TRAF3IP2: variants seen among roughly 807,000 people sequenced by gnomAD.
The protein encoded by TRAF3IP2 is E3 ubiquitin ligase TRAF3IP2.
Under a neutral mutation model 57.9 loss-of-function variants are expected in TRAF3IP2, and 35 were observed. That is an observed-to-expected ratio of 0.60 (90% CI 0.46 to 0.80). TRAF3IP2 has a LOEUF of 0.80. Ranked by LOEUF, TRAF3IP2 falls within the 30% of genes least tolerant of loss-of-function variation. The pLI is 0.00. For missense variants in TRAF3IP2, 556 were observed against 706.4 expected (o/e 0.79, Z 2.41); for synonymous variants, 251 against 268.9 (o/e 0.93, Z 0.65).
chr6:111,597,741 T>C, intron 1 of TRAF3IP2: 1 of 431,624 alleles, frequency 2.3e-6, no homozygotes, highest in African/African-American at 2.0e-5. Flanking sequence ...AGGTGAGTCC[T>C]GGGGACATAT....
chr6:111,564,161 T>TACGC lies in TRAF3IP2; in HGVS notation c.1477-1126_1477-1123dup, dbSNP rs1554262645. On this transcript the variant is annotated intron_variant, in intron 7 of 8. Transcript: ENST00000368761. Reference sequence around the variant, plus strand: ...AAACACACACTCTCACATAGTTGCATACGCACACACACACACACACGATCA... The same window carrying TACGC: ...AAACACACACTCTCACATAGTTGCATACGCACGCACACACACACACACACGATCA... Among the ~76,000 whole-genome samples, 3 of 149,328 alleles carry TACGC rather than the reference T, an allele frequency of 2.0e-5. No individual in the cohort carries two copies. The East Asian group carries it at 5.8e-4, about 29-fold the overall frequency.
chr6:111,598,350 A>G (rs1796761339), intron 1 of TRAF3IP2: 2 of 163,972 alleles, frequency 1.2e-5, no homozygotes, highest in South Asian at 3.1e-4. Flanking sequence ...CCCTGCAGAG[A>G]TATGTATATC....
chr6:111,591,400 T>C lies in TRAF3IP2; in HGVS notation c.687A>G (p.Arg229=). ...GAGGGAACTCCCTGGACCTGAGAGG[T>C]CTGGGGAGGTCCTGGGGGTAACACA... ...TSVCYPQDLP[R]PLRSREFPQF... Residue 229 remains arginine (R), a synonymous_variant, in exon 2 of 9, where the codon AGA becomes AGG. Coordinates refer to ENST00000368761, the MANE Select transcript of TRAF3IP2 (RefSeq NM_147686.4). The surrounding 1 kb of genome is among the most constrained non-coding windows in gnomAD (Gnocchi z 4.9). 6.4e-7 allele frequency: 1 copy of C among 1,555,954 alleles called. No homozygotes were observed. The highest frequency in any genetic ancestry group is 8.7e-7 in the Non-Finnish European group (1 of 1,152,774).
In TRAF3IP2 at chr6:111,595,679, T is replaced by C. The variant is rs552773522; in HGVS notation, c.-8-3585A>G. 1.9e-4 allele frequency among the ~76,000 whole-genome samples: 29 copies of C among 151,998 alleles called. No homozygotes were observed. The East Asian group carries it at 3.9e-3, about 20-fold the overall frequency. ...CCCGCCTCTACTAAAAATACAAAAA[T>C]TAGCCGGGCATGATGGCAGGCACCT... is the stretch of plus-strand genomic sequence containing the variant. On this transcript the variant is annotated intron_variant, in intron 1 of 8. Transcript: ENST00000368761.
intron 1 of TRAF3IP2, among the ~76,000 whole-genome samples, chr6:111,593,278 A>G (rs1471868709): frequency 1.3e-5 from 2 of 152,234 alleles, no homozygotes; most frequent in Non-Finnish European, 2.9e-5. Context: ...CTGGATTTAA[A>G]AATTCCTACT....
chr6:111,572,322 C>A (rs1795856294), intron 5 of TRAF3IP2, among the ~76,000 whole-genome samples: 2 of 152,184 alleles, frequency 1.3e-5, no homozygotes. Flanking sequence ...TGAGGTCAGC[C>A]TCCCCTGGAA....
chr6:111,567,675 A>G lies in TRAF3IP2; in HGVS notation c.1308T>C (p.Asp436=), dbSNP rs773421131. 1.1e-5 allele frequency: 18 copies of G among 1,607,136 alleles called. No individual in the cohort carries two copies. The South Asian group carries it at 1.8e-4, about 16-fold the overall frequency. ...TAATGATATCAATGCCTCGGATTCT[A>G]TCCTCAAATATGTCAATCTGCAAAA... ...GFQTAIDIFE[D]RIRGIDIIKW... is the part of the protein sequence containing the mutation. The change falls in exon 6 of 9, where the codon GAT becomes GAC. Residue 436 remains aspartate (D), a synonymous_variant. Coordinates refer to ENST00000368761, the MANE Select transcript of TRAF3IP2 (RefSeq NM_147686.4).
intron 5 of TRAF3IP2, among the ~76,000 whole-genome samples, chr6:111,571,739 AC>A (rs1407780464): frequency 6.6e-6 from 1 of 152,074 alleles, no homozygotes; most frequent in African/African-American, 2.4e-5. Context: ...AGCCTGGCCA[AC>A]ATAGTGAAAC....
intron 6 of TRAF3IP2, chr6:111,567,320 G>T: frequency 9.0e-7 from 1 of 1,108,552 alleles, no homozygotes; most frequent in Admixed American, 5.1e-5. Context: ...GAATTCTGCT[G>T]CTCTCTCCCC....
At chr6:111,586,793 C>A (rs1796350497) in intron 2 of TRAF3IP2, among the ~76,000 whole-genome samples, 1 of 152,146 alleles carries the variant, frequency 6.6e-6, no homozygotes, top group Non-Finnish European at 1.5e-5. Flanking sequence ...TGAAACTAAG[C>A]ATTTGTACAC....
At position 111,578,440 on chromosome 6, in the gene TRAF3IP2, A is replaced by C. The variant is rs530376180; in HGVS notation, c.1022+1757T>G. Among the ~76,000 whole-genome samples, 415 of 152,298 alleles carry C rather than the reference A, an allele frequency of 2.7e-3. 1 individual carries two copies. The highest frequency in any genetic ancestry group is 5.0e-3 in the Non-Finnish European group (343 of 68,034). On this transcript the variant is annotated intron_variant, in intron 3 of 8. Coordinates refer to ENST00000368761, the MANE Select transcript of TRAF3IP2 (RefSeq NM_147686.4). ...TGGATCACTTGAGGCCAGGAGTTTG[A>C]AACCAGCCTGGGCAACAAAGTGAGA...
rs1299218710 is a variant in TRAF3IP2 at position 111,575,794 on chromosome 6, A to G, written c.1050T>C (p.Asn350=). Residue 350 remains asparagine (N), a synonymous_variant, in exon 4 of 9, where the codon AAT becomes AAC. Transcript: ENST00000368761. ...HQDQPHHQPP[N]RAGAPGESLE... is the part of the protein sequence containing the mutation. ...AGGACTCCCCAGGAGCACCAGCTCTATTAGGTGGCTGGTGATGTGGCTGGT... is the reference window on the plus strand; with the variant it reads ...AGGACTCCCCAGGAGCACCAGCTCTGTTAGGTGGCTGGTGATGTGGCTGGT... 6.2e-7 allele frequency: 1 copy of G among 1,609,940 alleles called. No homozygotes were observed. The highest frequency in any genetic ancestry group is 1.1e-5 in the South Asian group (1 of 90,478).
intron 1 of TRAF3IP2, among the ~76,000 whole-genome samples, chr6:111,594,132 CAA>C (rs36108891): frequency 1.6e-5 from 2 of 123,964 alleles, no homozygotes. Flanking sequence ...ACTCCATCTC[CAA>C]AAAAAAAAAA....
chr6:111,586,072 T>C (rs1005687609), intron 2 of TRAF3IP2, among the ~76,000 whole-genome samples: 2 of 152,216 alleles, frequency 1.3e-5, no homozygotes, highest in Non-Finnish European at 2.9e-5. Context: ...CGTGATATAA[T>C]GCAATCAGTT....
chr6:111,599,294 C>T (rs1438328633), intron 1 of TRAF3IP2, among the ~76,000 whole-genome samples: 1 of 152,100 alleles, frequency 6.6e-6, no homozygotes, highest in Non-Finnish European at 1.5e-5. Flanking sequence ...GGCATCTTCC[C>T]TCAAATATGT....
At position 111,591,181 on chromosome 6, in the gene TRAF3IP2, C is replaced by T. The variant is rs146536907; in HGVS notation, c.829+77G>A. 68 of 1,189,414 alleles carry T rather than the reference C, an allele frequency of 5.7e-5. 1 individual carries two copies. The East Asian group carries it at 1.6e-3, about 27-fold the overall frequency. 73.7% of individuals were successfully genotyped at this position (1,189,414 alleles called of 1,614,324 possible). A position where few individuals can be genotyped will look rare whatever the true frequency, so the allele number is the denominator to read the frequency against. On this transcript the variant is annotated intron_variant, in intron 2 of 8. Transcript: ENST00000368761. This position sits in a 1 kb window ranked among gnomAD's most constrained non-coding sequence, Gnocchi z 4.9. The stretch of plus-strand genomic sequence containing the variant: ...TGACCTGTTCATGCCAGCCTAGTGA[C>T]ACGAAGCATTGATGTGAGGCCCTTG...
At chr6:111,594,132 C>CA (rs36108891) in intron 1 of TRAF3IP2, among the ~76,000 whole-genome samples, 49 of 124,004 alleles carry the variant, frequency 4.0e-4, no homozygotes, top group East Asian at 1.1e-3. Context: ...ACTCCATCTC[C>CA]AAAAAAAAAA....
rs79219929 is a variant in TRAF3IP2, at chr6:111,555,860, T to G, written c.*3545A>C. On this transcript the variant is annotated 3_prime_UTR_variant, in exon 9 of 9. Transcript: ENST00000368761. ...GGCTCATGCCTGTAATCCCAGCAAT[T>G]TGGGAGGCCGAGGCGGATGGATCAC... Among the ~76,000 whole-genome samples the G allele has an allele frequency of 0.026, 3,996 of 152,224 alleles. 93 individuals carry two copies. Among genetic ancestry groups the G allele is most frequent in the Admixed American group, 0.062 (944 of 15,290 alleles).
In TRAF3IP2 at chr6:111,580,379, G is replaced by A. The variant is rs1476016344; in HGVS notation, c.840C>T (p.Asp280=). The part of the protein sequence containing the change: ...SPDHQVPYGH[D]YPRAAYQQVI... The stretch of plus-strand genomic sequence containing the variant: ...CTTGCTGGTAGGCTGCTCGAGGGTA[G>A]TCATGGCCATCTGTAGGTGAAGACA... Residue 280 remains aspartate (D), a synonymous_variant, in exon 3 of 9, where the codon GAC becomes GAT. Transcript: ENST00000368761. 7.1e-6 allele frequency: 11 copies of A among 1,552,542 alleles called. No homozygotes were observed. In the African/African-American group the frequency reaches 1.5e-4, roughly 21 times the overall value.
Sources: gnomAD v4.1 joint callset for allele counts (sites outside exome capture counted in the v4.1 genomes callset) on GRCh38, gnomAD v4.1.1 for gene constraint, Gnocchi (gnomAD v3.1) non-coding constraint, MANE v1.5 for transcripts, NCBI Gene and HGNC (gene_info 2026-07-23, HGNC 2026-07-21) for gene names.